The following KCNH1 variants were observed in gnomAD, a reference collection of about 807,000 sequenced individuals.
The protein encoded by KCNH1 is voltage-gated delayed rectifier potassium channel KCNH1.
In KCNH1, 27 loss-of-function variants were observed where a neutral mutation model predicts 69.2. The observed-to-expected ratio is 0.39, with a 90% CI of 0.29 to 0.54. The LOEUF is 0.54. Ranked by LOEUF, KCNH1 falls within the 20% of genes least tolerant of loss-of-function variation. The pLI is 0.68. For missense variants in KCNH1, 798 were observed against 1,261.6 expected, an observed-to-expected ratio of 0.63 and a Z score of 5.57; for synonymous variants, 456 against 487.7, an observed-to-expected ratio of 0.93 and a Z score of 0.86.
intron 7 of KCNH1, among the ~76,000 whole-genome samples, chr1:210,893,188 G>C (rs1203013843): frequency 1.3e-5 from 2 of 152,096 alleles, no homozygotes; most frequent in Admixed American, 6.6e-5. Context: ...ATTTTTTATA[G>C]TGCTGGTGTA....
intron 5 of KCNH1, among the ~76,000 whole-genome samples, chr1:211,030,813 G>C (rs1194392854): frequency 6.6e-6 from 1 of 152,012 alleles, no homozygotes; most frequent in African/African-American, 2.4e-5. Context: ...GAAAATCTAT[G>C]ACTGAAAGGA....
chr1:210,895,602 G>A (rs199654285), intron 7 of KCNH1, among the ~76,000 whole-genome samples: 1 of 152,112 alleles, frequency 6.6e-6, no homozygotes, highest in East Asian at 1.9e-4. Flanking sequence ...GTCTCCCCTT[G>A]GCAATAGAAG....
At chr1:211,026,376 C>CAAAA (rs34132386) in intron 5 of KCNH1, among the ~76,000 whole-genome samples, 80 of 72,432 alleles carry the variant, frequency 1.1e-3, no homozygotes, top group Non-Finnish European at 1.6e-3. Flanking sequence ...GGAGTATAGA[C>CAAAA]AAAAAAAAAA....
intron 10 of KCNH1, among the ~76,000 whole-genome samples, chr1:210,733,096 T>C (rs796988727): frequency 9.9e-5 from 15 of 152,280 alleles, no homozygotes; most frequent in African/African-American, 3.6e-4. Context: ...AACCAGATGA[T>C]CAAATTATCA....
chr1:210,689,752 T>C (rs1574182982), intron 10 of KCNH1, among the ~76,000 whole-genome samples: 3 of 152,220 alleles, frequency 2.0e-5, no homozygotes, highest in Admixed American at 6.5e-5. Flanking sequence ...CCTTCCTTGG[T>C]TGTATCAGAT....
intron 5 of KCNH1, among the ~76,000 whole-genome samples, chr1:211,059,756 TGAGAGAGA>T (rs56144734): frequency 1.4e-5 from 2 of 146,560 alleles, no homozygotes; most frequent in East Asian, 4.1e-4. Context: ...AAAAAAAGAG[TGAGAGAGA>T]GAGAGAGAGA....
chr1:211,079,289 G>T (rs534673145), intron 5 of KCNH1, among the ~76,000 whole-genome samples: 1 of 152,142 alleles, frequency 6.6e-6, no homozygotes, highest in Non-Finnish European at 1.5e-5. Flanking sequence ...TCTCTGAATA[G>T]ACCAATAACA....
At chr1:211,005,279 C>T (rs966287411) in intron 6 of KCNH1, among the ~76,000 whole-genome samples, 1 of 151,890 alleles carries the variant, frequency 6.6e-6, no homozygotes, top group Admixed American at 6.6e-5. Context: ...TAATTAAATC[C>T]AAAATGGAAA....
Position 210,753,475 on chromosome 1 carries a change from G to A in KCNH1, c.2112+21873C>T, listed in dbSNP as rs575541120. 1.2e-3 allele frequency among the ~76,000 whole-genome samples: 190 copies of A among 152,290 alleles called. 1 individual carries two copies. The highest frequency in any genetic ancestry group is 4.4e-3 in the African/African-American group (183 of 41,566). On this transcript the variant is annotated intron_variant, in intron 10 of 10. Coordinates refer to ENST00000271751, the MANE Select transcript of KCNH1 (RefSeq NM_172362.3). ...CCAGCTTCCCCATGGGGTTGTCCTC[G>A]GCTTTGGTGAGGGGAAGAAGCAGGG...
chr1:210,793,622 TG>T (rs1157139641), intron 9 of KCNH1, among the ~76,000 whole-genome samples: 1 of 152,192 alleles, frequency 6.6e-6, no homozygotes, highest in Non-Finnish European at 1.5e-5. Context: ...ACAGAGAATG[TG>T]AGTGGAATAT....
At chr1:210,917,993 C>T (rs114871748) in intron 7 of KCNH1, among the ~76,000 whole-genome samples, 15 of 152,278 alleles carry the variant, frequency 9.9e-5, no homozygotes, top group African/African-American at 3.6e-4. Context: ...AAGTAAGGAA[C>T]AAACCCAAAG....
chr1:211,078,934 A>AG (rs1553377556), intron 5 of KCNH1, among the ~76,000 whole-genome samples: 1,928 of 142,222 alleles, frequency 0.014, 50 homozygotes, highest in African/African-American at 0.046. Flanking sequence ...AAAAAAAAAA[A>AG]AAAGAAAGAA....
chr1:210,723,106 G>A (rs1172756546), intron 10 of KCNH1, among the ~76,000 whole-genome samples: 1 of 152,010 alleles, frequency 6.6e-6, no homozygotes, highest in Non-Finnish European at 1.5e-5. Flanking sequence ...AATCAACAAG[G>A]CAATCAGACA....
At position 211,134,000 on chromosome 1, in the gene KCNH1, A is replaced by C; in HGVS notation, c.-55T>G. 1 of 1,509,240 alleles carries C rather than the reference A, an allele frequency of 6.6e-7. No homozygotes were observed. Among genetic ancestry groups the C allele is most frequent in the Non-Finnish European group, 9.2e-7 (1 of 1,089,900 alleles). 93.5% of individuals were successfully genotyped at this position (1,509,240 alleles called of 1,614,324 possible). A position where few individuals can be genotyped will look rare whatever the true frequency, so the allele number is the denominator to read the frequency against. On this transcript the variant is annotated 5_prime_UTR_variant, in exon 1 of 11. Coordinates refer to ENST00000271751, the MANE Select transcript of KCNH1 (RefSeq NM_172362.3). This position sits in a 1 kb window ranked among gnomAD's most constrained non-coding sequence, Gnocchi z 5.4. ...TCCTGGCGCGGCTTCTTACGACAGC[A>C]GGAAACTGGCCTCGGGGCCCGCACG...
chr1:210,709,715 A>AG (rs1490548769), intron 10 of KCNH1, among the ~76,000 whole-genome samples: 1 of 137,736 alleles, frequency 7.3e-6, no homozygotes, highest in Admixed American at 7.8e-5. Flanking sequence ...AAGAGAAAGA[A>AG]AGAAAGAAGA....
chr1:211,064,965 T>C (rs1247540174), intron 5 of KCNH1, among the ~76,000 whole-genome samples: 2 of 152,166 alleles, frequency 1.3e-5, no homozygotes, highest in Non-Finnish European at 2.9e-5. Flanking sequence ...AAAATGACTA[T>C]TATCAAAAAG....
At chr1:211,010,310 C>T (rs1364438842) in intron 6 of KCNH1, among the ~76,000 whole-genome samples, 3 of 152,054 alleles carry the variant, frequency 2.0e-5, no homozygotes, top group Non-Finnish European at 4.4e-5. Context: ...AGCAGGGACA[C>T]GTTATTTCCC....
intron 5 of KCNH1, among the ~76,000 whole-genome samples, chr1:211,030,651 G>GT (rs949135643): frequency 4.0e-5 from 6 of 151,302 alleles, no homozygotes; most frequent in East Asian, 3.9e-4. Context: ...AACTAAAAAA[G>GT]TTTTTTTTAG....
At chr1:211,057,246 T>C (rs1003020951) in intron 5 of KCNH1, among the ~76,000 whole-genome samples, 2 of 152,164 alleles carry the variant, frequency 1.3e-5, no homozygotes, top group Non-Finnish European at 2.9e-5. Flanking sequence ...GAAGAATGCA[T>C]CAGAGTCTCT....
Sources: allele counts gnomAD v4.1 joint callset (sites outside exome capture counted in the v4.1 genomes callset), GRCh38; gene constraint gnomAD v4.1.1; non-coding constraint Gnocchi (gnomAD v3.1); transcripts MANE v1.5; gene names NCBI Gene and HGNC (gene_info 2026-07-23, HGNC 2026-07-21).